Variants in LRCH1 observed in about 807,000 individuals in gnomAD.
LRCH1 encodes the protein leucine rich repeats and calponin homology domain containing 1, also known as leucine-rich repeat and calponin homology domain-containing protein 1.
In LRCH1, 23 loss-of-function variants were observed where a neutral mutation model predicts 94.9. The observed-to-expected ratio is 0.24, with a 90% confidence interval of 0.17 to 0.34. LRCH1 has a LOEUF of 0.34. Ranked by LOEUF, LRCH1 falls within the 10% of genes least tolerant of loss-of-function variation. The pLI, the probability that LRCH1 is intolerant of heterozygous loss-of-function variation, is 1.00. For synonymous variants in LRCH1, 364 were observed against 354.9 expected (o/e 1.03, Z -0.29); for missense variants, 790 against 945.9 (o/e 0.84, Z 2.16).
chr13:46,734,659 G>A (rs1187080815), intron 19 of LRCH1, among the ~76,000 whole-genome samples: 1 of 152,096 alleles, frequency 6.6e-6, no homozygotes, highest in African/African-American at 2.4e-5. Context: ...AGATGGCTGG[G>A]GGCTTTTAAA....
rs74373726 is a variant in LRCH1, at chr13:46,695,663, A to G, written c.1245+646A>G. Among the ~76,000 whole-genome samples, 327 of 152,352 alleles carry G rather than the reference A, an allele frequency of 2.1e-3. 1 individual carries two copies. The highest frequency in any genetic ancestry group is 7.7e-3 in the African/African-American group (320 of 41,568). ...CCTTTTGGTTCAGGTTGTGGTGCCC[A>G]AGAATCATAAAGATTATTGTTTTTG... is the stretch of plus-strand genomic sequence containing the variant. On this transcript the variant is annotated intron_variant, in intron 9 of 19. Coordinates refer to ENST00000389797, the MANE Select transcript of LRCH1 (RefSeq NM_001164211.2).
intron 11 of LRCH1, among the ~76,000 whole-genome samples, chr13:46,703,319 G>A (rs1871584431): frequency 6.6e-6 from 1 of 152,218 alleles, no homozygotes; most frequent in Admixed American, 6.5e-5. Flanking sequence ...TGCACCATCA[G>A]TTAACTTGGG....
At chr13:46,729,054 A>C in intron 18 of LRCH1, 70 bp downstream of exon 18, 1 of 1,461,320 alleles carries the variant, frequency 6.8e-7, no homozygotes. Flanking sequence ...TTGGTTTAGG[A>C]TGTCAATGGT....
intron 1 of LRCH1, among the ~76,000 whole-genome samples, chr13:46,567,492 T>TTGTGTGTGTG (rs35848521): frequency 0.031 from 4,377 of 141,908 alleles, 236 homozygotes; most frequent in African/African-American, 0.1. Flanking sequence ...TAAGGCAATT[T>TTGTGTGTGTG]TGTGTGTGTG....
intron 1 of LRCH1, among the ~76,000 whole-genome samples, chr13:46,568,951 C>A (rs138695372): frequency 1.1e-4 from 16 of 152,294 alleles, no homozygotes; most frequent in East Asian, 7.7e-4. Context: ...CTGCCTGGTG[C>A]CGATTCCTGA....
At chr13:46,721,166 A>G (rs1872569046) in intron 16 of LRCH1, among the ~76,000 whole-genome samples, 2 of 152,214 alleles carry the variant, frequency 1.3e-5, no homozygotes, top group Non-Finnish European at 2.9e-5. Flanking sequence ...GTGGTGTTGA[A>G]CAAAAGCTCA....
intron 6 of LRCH1, 56 bp downstream of exon 6, chr13:46,688,035 T>A: frequency 4.6e-6 from 7 of 1,512,682 alleles, no homozygotes; most frequent in African/African-American, 4.2e-5. Flanking sequence ...GCCAAGGCCC[T>A]CCAGGTAGCT....
chr13:46,738,480 G>T (rs1229505280), intron 19 of LRCH1, among the ~76,000 whole-genome samples: 3 of 152,164 alleles, frequency 2.0e-5, no homozygotes, highest in Non-Finnish European at 4.4e-5. Flanking sequence ...TCTTGTGAGG[G>T]TTTAGGAAAT....
intron 13 of LRCH1, among the ~76,000 whole-genome samples, chr13:46,710,876 T>TA (rs909247018): frequency 6.6e-6 from 1 of 152,168 alleles, no homozygotes; most frequent in African/African-American, 2.4e-5. Flanking sequence ...GGTAAGAAAC[T>TA]AGAGTGTGTC....
intron 9 of LRCH1, among the ~76,000 whole-genome samples, chr13:46,697,147 A>G (rs140938397): frequency 0.012 from 1,782 of 152,234 alleles, 27 homozygotes; most frequent in Admixed American, 0.022. Flanking sequence ...ACCACAGTCA[A>G]TTTTCATTAT....
chr13:46,710,529 G>A (rs1476773540), intron 13 of LRCH1, among the ~76,000 whole-genome samples: 2 of 152,162 alleles, frequency 1.3e-5, no homozygotes, highest in South Asian at 2.1e-4. Flanking sequence ...AATATCGAAC[G>A]GGGAAGGGTC....
At chr13:46,722,298 TG>T (rs1872616469) in intron 16 of LRCH1, among the ~76,000 whole-genome samples, 1 of 152,086 alleles carries the variant, frequency 6.6e-6, no homozygotes, top group East Asian at 1.9e-4. Flanking sequence ...GTCTGTGGGA[TG>T]GGGGAGCCAA....
chr13:46,687,943 T>C lies in LRCH1; in HGVS notation c.914T>C (p.Met305Thr), dbSNP rs761150522. 1.2e-6 allele frequency: 2 copies of C among 1,612,750 alleles called. No individual in the cohort carries two copies. The highest frequency in any genetic ancestry group is 1.3e-5 in the African/African-American group (1 of 75,050). Residue 305 changes from methionine to threonine, a missense_variant, in exon 6 of 20, where the codon ATG becomes ACG. By Grantham distance (81) the Met-to-Thr change is moderately conservative. Around this residue, in one of 3 missense-constraint regions of LRCH1, gnomAD observed 194 missense variants for 293.5 expected, o/e 0.66. Transcript: ENST00000389797. ...GCTGACTCCCTTTATCTCCACACCA[T>C]GGAGAGGCCACATTTACACCAGCAC... Reference protein sequence around the residue: ...KTADSLYLHTMERPHLHQHVE... With the variant: ...KTADSLYLHTTERPHLHQHVE...
intron 1 of LRCH1, among the ~76,000 whole-genome samples, chr13:46,558,348 A>G (rs2137894222): frequency 6.6e-6 from 1 of 152,060 alleles, no homozygotes; most frequent in South Asian, 2.1e-4. Flanking sequence ...CAGAGGTAGG[A>G]TTTGGATCAG....
At chr13:46,654,367 A>G (rs1007461427) in intron 2 of LRCH1, among the ~76,000 whole-genome samples, 1 of 152,216 alleles carries the variant, frequency 6.6e-6, no homozygotes, top group Non-Finnish European at 1.5e-5. Context: ...CCTGGATATT[A>G]TTAAGTTAGC....
rs766296642 is a variant in LRCH1 at position 46,692,597 on chromosome 13, A to G, written c.1076A>G (p.Gln359Arg). Residue 359 changes from glutamine (Q) to arginine (R), a missense_variant, in exon 8 of 20, where the codon CAG becomes CGG. Transcript: ENST00000389797. ...ATGTCAAACATCATGGAAGAAGAAC[A>G]GATCATCAAGGAGGACTCGTGCCAT... Reference protein sequence around the residue: ...VPMSNIMEEEQIIKEDSCHRL... With the variant: ...VPMSNIMEEERIIKEDSCHRL... 5 of 1,614,112 alleles carry G rather than the reference A, an allele frequency of 3.1e-6. No homozygotes were observed. Among genetic ancestry groups the G allele is most frequent in the Non-Finnish European group, 2.5e-6 (3 of 1,179,974 alleles).
Position 46,742,124 on chromosome 13 carries a change from C to T in LRCH1, c.*276C>T. The T allele has an allele frequency of 7.9e-7, 1 of 1,262,666 alleles. No homozygotes were observed. Among genetic ancestry groups the T allele is most frequent in the Non-Finnish European group, 1.0e-6 (1 of 997,868 alleles). 78.2% of individuals were successfully genotyped at this position (1,262,666 alleles called of 1,614,324 possible). On this transcript the variant is annotated 3_prime_UTR_variant, in exon 20 of 20. Transcript: ENST00000389797. Reference sequence around the variant, plus strand: ...TTCCTCATCCACATAGTGCCAGCAGCAGTGCCACGCAGTTCCTCCTCTCCC... The same window carrying T: ...TTCCTCATCCACATAGTGCCAGCAGTAGTGCCACGCAGTTCCTCCTCTCCC...
At chr13:46,695,668 T>A (rs1871145131) in intron 9 of LRCH1, among the ~76,000 whole-genome samples, 2 of 152,214 alleles carry the variant, frequency 1.3e-5, no homozygotes, top group Admixed American at 6.5e-5. Flanking sequence ...TGCCCAAGAA[T>A]CATAAAGATT....
intron 2 of LRCH1, among the ~76,000 whole-genome samples, chr13:46,655,240 G>T (rs764939544): frequency 6.6e-6 from 1 of 152,118 alleles, no homozygotes; most frequent in African/African-American, 2.4e-5. Context: ...ATGTCAAAAG[G>T]CTGCTTGTTG....
Sources: allele counts gnomAD v4.1 joint callset (sites outside exome capture counted in the v4.1 genomes callset), GRCh38; gene constraint gnomAD v4.1.1; regional missense constraint gnomAD v4.1.1; transcripts MANE v1.5; gene names NCBI Gene and HGNC (gene_info 2026-07-23, HGNC 2026-07-21).